Variants in GNPTAB observed in about 807,000 individuals in gnomAD.
GNPTAB encodes N-acetylglucosamine-1-phosphotransferase subunits alpha/beta.
A neutral mutation model predicts 136.6 loss-of-function variants in GNPTAB; 92 were observed. The observed-to-expected ratio is 0.67, with a 90% CI of 0.57 to 0.80. The LOEUF is 0.80. Ranked by LOEUF, GNPTAB falls within the 30% of genes least tolerant of loss-of-function variation. The pLI is 0.00. For synonymous variants in GNPTAB, 512 were observed against 535.1 expected, an observed-to-expected ratio of 0.96 and a Z score of 0.60; for missense variants, 1,343 against 1,501.8, an observed-to-expected ratio of 0.89 and a Z score of 1.75.
intron 10 of GNPTAB, among the ~76,000 whole-genome samples, chr12:101,769,477 G>C (rs958100956): frequency 6.6e-6 from 1 of 152,074 alleles, no homozygotes. Flanking sequence ...AAAAAGTGTG[G>C]GTCCTGGGTG....
At chr12:101,758,411 G>A (rs1432583866) in intron 16 of GNPTAB, among the ~76,000 whole-genome samples, 1 of 152,156 alleles carries the variant, frequency 6.6e-6, no homozygotes, top group African/African-American at 2.4e-5. Flanking sequence ...CTGACCTCAG[G>A]TGATCCGCCC....
At chr12:101,821,530 GCC>G (rs1016369323) in intron 1 of GNPTAB, among the ~76,000 whole-genome samples, 5 of 152,172 alleles carry the variant, frequency 3.3e-5, no homozygotes. Context: ...GAAGTGTTGG[GCC>G]AAGATGCAAA....
chr12:101,754,686 C>A (rs1458220048), intron 18 of GNPTAB, among the ~76,000 whole-genome samples: 1 of 151,568 alleles, frequency 6.6e-6, no homozygotes, highest in Non-Finnish European at 1.5e-5. Context: ...ACTAAGGGCC[C>A]ATTAAAGTGG....
intron 18 of GNPTAB, 41 bp downstream of exon 18, chr12:101,757,171 G>T: frequency 9.4e-7 from 1 of 1,068,458 alleles, no homozygotes; most frequent in Non-Finnish European, 1.4e-6. Context: ...TTTTATTCAG[G>T]TTTATTTGCA....
At chr12:101,813,884 G>A (rs1422027540) in intron 1 of GNPTAB, among the ~76,000 whole-genome samples, 1 of 152,090 alleles carries the variant, frequency 6.6e-6, no homozygotes, top group Non-Finnish European at 1.5e-5. Flanking sequence ...TTTGAGACCA[G>A]CCTGGCCAAT....
chr12:101,807,579 A>C (rs1869998503), intron 1 of GNPTAB, among the ~76,000 whole-genome samples: 1 of 152,196 alleles, frequency 6.6e-6, no homozygotes, highest in Non-Finnish European at 1.5e-5. Context: ...CAAAGAATCA[A>C]CAACAACAAC....
In GNPTAB at chr12:101,771,393, A is replaced by G. The variant is rs187767639; in HGVS notation, c.772-236T>C. On this transcript the variant is annotated intron_variant, in intron 7 of 20. Coordinates refer to ENST00000299314, the MANE Select transcript of GNPTAB (RefSeq NM_024312.5). Reference sequence around the variant, plus strand: ...TGAGTAGCTGGGACTACAGGACTGCATCATCACGCCCGGCAAACTTTTGTA... The same window carrying G: ...TGAGTAGCTGGGACTACAGGACTGCGTCATCACGCCCGGCAAACTTTTGTA... 2.0e-4 allele frequency among the ~76,000 whole-genome samples: 30 copies of G among 152,170 alleles called. No homozygotes were observed. In the East Asian group the frequency reaches 5.0e-3, roughly 26 times the overall value.
chr12:101,786,289 T>C, intron 4 of GNPTAB, 72 bp from the exon 5 acceptor site: 1 of 1,241,586 alleles, frequency 8.1e-7, no homozygotes, highest in Non-Finnish European at 1.2e-6. Flanking sequence ...CTTGTCATAC[T>C]ACTAAATTTT....
rs147049791 is a variant in GNPTAB, at chr12:101,762,156, T to C, written c.2716-393A>G. Among the ~76,000 whole-genome samples, 1,480 of 152,358 alleles carry C rather than the reference T, an allele frequency of 9.7e-3. 29 individuals carry two copies. Among genetic ancestry groups the C allele is most frequent in the African/African-American group, 0.034 (1,410 of 41,584 alleles). ...AGCTATTTCTGCAGGTGATATCAAA[T>C]GTGCAAGTCCTTGAGTTTTAAGCGC... On this transcript the variant is annotated intron_variant, in intron 13 of 20. Transcript: ENST00000299314.
chr12:101,786,600 A>C (rs1868664723), intron 4 of GNPTAB, among the ~76,000 whole-genome samples: 1 of 152,218 alleles, frequency 6.6e-6, no homozygotes, highest in Non-Finnish European at 1.5e-5. Flanking sequence ...TCATGTTACC[A>C]GATACAAGTT....
At chr12:101,813,252 G>A (rs1019028520) in intron 1 of GNPTAB, among the ~76,000 whole-genome samples, 2 of 152,150 alleles carry the variant, frequency 1.3e-5, no homozygotes, top group African/African-American at 4.8e-5. Context: ...ACTTGAAAAC[G>A]TAAAAGCCAT....
At chr12:101,812,632 A>C (rs1273020536) in intron 1 of GNPTAB, among the ~76,000 whole-genome samples, 2 of 152,004 alleles carry the variant, frequency 1.3e-5, no homozygotes, top group Non-Finnish European at 2.9e-5. Context: ...TTGGTGGCAC[A>C]CACCTGTGGT....
intron 19 of GNPTAB, among the ~76,000 whole-genome samples, chr12:101,751,368 A>G (rs1028890671): frequency 6.6e-6 from 1 of 152,156 alleles, no homozygotes; most frequent in African/African-American, 2.4e-5. Flanking sequence ...CTGTATCACA[A>G]TTTGCCTGGT....
At chr12:101,775,397 G>T (rs1413323771) in intron 7 of GNPTAB, among the ~76,000 whole-genome samples, 1 of 139,612 alleles carries the variant, frequency 7.2e-6, no homozygotes, top group Non-Finnish European at 1.5e-5. Context: ...GTCTCACTCT[G>T]TCGCCAGGCT....
chr12:101,750,677 G>A (rs1021609369), intron 19 of GNPTAB, among the ~76,000 whole-genome samples: 5 of 152,210 alleles, frequency 3.3e-5, no homozygotes, highest in African/African-American at 9.6e-5. Flanking sequence ...AAGGGAAAGT[G>A]AAAACGGTGA....
chr12:101,816,583 T>C (rs777428415), intron 1 of GNPTAB, among the ~76,000 whole-genome samples: 4 of 152,232 alleles, frequency 2.6e-5, no homozygotes, highest in Non-Finnish European at 5.9e-5. Context: ...GCAATGCTTG[T>C]ACTCTGTTAG....
At position 101,766,255 on chromosome 12, in the gene GNPTAB, C is replaced by T. The variant is rs1194091817; in HGVS notation, c.1448G>A (p.Gly483Asp). 1 of 1,614,066 alleles carries T rather than the reference C, an allele frequency of 6.2e-7. No homozygotes were observed. The highest frequency in any genetic ancestry group is 1.1e-5 in the South Asian group (1 of 91,084). The change falls in exon 12 of 21, where the codon GGT (glycine) becomes GAT (aspartate). Residue 483 changes from glycine (G) to aspartate (D), a missense_variant. Physicochemically the swap from Gly to Asp is moderately conservative, Grantham distance 94. Coordinates refer to ENST00000299314, the MANE Select transcript of GNPTAB (RefSeq NM_024312.5). ...CTGTCCAACTCCAATACTCCCAGTACCTCCACCTCCTGCAATATAGCGACT... is the reference window on the plus strand; with the variant it reads ...CTGTCCAACTCCAATACTCCCAGTATCTCCACCTCCTGCAATATAGCGACT... Reference protein sequence around the residue: ...GGSRYIAGGGGTGSIGVGQPW... With the variant: ...GGSRYIAGGGDTGSIGVGQPW...
At chr12:101,751,327 G>C (rs1011871105) in intron 19 of GNPTAB, among the ~76,000 whole-genome samples, 1 of 152,166 alleles carries the variant, frequency 6.6e-6, no homozygotes, top group African/African-American at 2.4e-5. Flanking sequence ...TACACCAGCT[G>C]CACTGAACTC....
intron 19 of GNPTAB, among the ~76,000 whole-genome samples, chr12:101,749,623 C>T (rs559889917): frequency 6.6e-6 from 1 of 152,302 alleles, no homozygotes; most frequent in African/African-American, 2.4e-5. Flanking sequence ...CTTGCCATCA[C>T]ATAAGACACA....
Sources: allele counts gnomAD v4.1 joint callset (sites outside exome capture counted in the v4.1 genomes callset), GRCh38; gene constraint gnomAD v4.1.1; transcripts MANE v1.5; gene names NCBI Gene and HGNC (gene_info 2026-07-23, HGNC 2026-07-21).